PTPRJ: variants seen among roughly 807,000 people sequenced by gnomAD.
The protein encoded by PTPRJ is receptor-type tyrosine-protein phosphatase eta.
In PTPRJ, 129 loss-of-function variants were observed where a neutral mutation model predicts 141.3. The observed-to-expected ratio is 0.91, with a 90% CI of 0.79 to 1.06. The LOEUF is 1.06. Ranked by LOEUF, PTPRJ falls within the 50% of genes least tolerant of loss-of-function variation. The probability of loss-of-function intolerance (pLI) is 0.00; values close to 1 mark genes in which losing one functional copy is unlikely to be tolerated. For missense variants in PTPRJ, 1,601 were observed against 1,679.7 expected, an observed-to-expected ratio of 0.95 and a Z score of 0.82; for synonymous variants, 610 against 640.5, an observed-to-expected ratio of 0.95 and a Z score of 0.72.
chr11:48,055,069 C>T (rs1854718176), intron 1 of PTPRJ, among the ~76,000 whole-genome samples: 1 of 152,002 alleles, frequency 6.6e-6, no homozygotes, highest in Non-Finnish European at 1.5e-5. Flanking sequence ...GCTTGTAATC[C>T]CAGCTACTTG....
At position 48,127,791 on chromosome 11, in the gene PTPRJ, G is replaced by A; in HGVS notation, c.1105G>A (p.Val369Ile). ...TTGTGTTCTCACAGATGCTATTCAG[G>A]TTTTTGACGTCACCGCTGTGAACAT... ...AIEFRTNAIQ[V>I]FDVTAVNISA... The change falls in exon 7 of 25, where the codon GTT becomes ATT. Residue 369 changes from valine to isoleucine, a missense_variant. Physicochemically the swap from Val to Ile is conservative, Grantham distance 29. Coordinates refer to ENST00000418331, the MANE Select transcript of PTPRJ (RefSeq NM_002843.4). 1 of 1,614,112 alleles carries A rather than the reference G, an allele frequency of 6.2e-7. No homozygotes were observed. The highest frequency in any genetic ancestry group is 8.5e-7 in the Non-Finnish European group (1 of 1,179,974).
intron 1 of PTPRJ, among the ~76,000 whole-genome samples, chr11:48,029,651 C>A (rs1435807058): frequency 6.6e-6 from 1 of 152,134 alleles, no homozygotes; most frequent in African/African-American, 2.4e-5. Flanking sequence ...GAGCTTTTTT[C>A]TTCTTTTTTG....
intron 8 of PTPRJ, among the ~76,000 whole-genome samples, chr11:48,133,611 A>G (rs1039921897): frequency 1.3e-5 from 2 of 152,224 alleles, no homozygotes; most frequent in Admixed American, 6.5e-5. Flanking sequence ...TCCTATGTAT[A>G]TCTCCAAAAG....
chr11:48,132,755 T>TG, intron 8 of PTPRJ: 1 of 963,942 alleles, frequency 1.0e-6, no homozygotes. Flanking sequence ...ATGAAATGAG[T>TG]TACGCTTTTG....
intron 1 of PTPRJ, among the ~76,000 whole-genome samples, chr11:48,009,787 G>A (rs909568617): frequency 6.6e-6 from 1 of 152,248 alleles, no homozygotes; most frequent in Non-Finnish European, 1.5e-5. Context: ...CTTCTCAGCT[G>A]TTAAGTGGGA....
At chr11:48,090,739 T>A (rs1223100155) in intron 1 of PTPRJ, among the ~76,000 whole-genome samples, 1 of 152,192 alleles carries the variant, frequency 6.6e-6, no homozygotes, top group Non-Finnish European at 1.5e-5. Context: ...CCTTTCCCTT[T>A]CCTGAGAAGA....
intron 1 of PTPRJ, among the ~76,000 whole-genome samples, chr11:48,076,150 A>G (rs1218552645): frequency 2.6e-5 from 4 of 152,132 alleles, no homozygotes; most frequent in Admixed American, 6.6e-5. Context: ...GAGTGGGTCA[A>G]TTTATGTTCT....
chr11:48,163,403 T>G lies in PTPRJ; in HGVS notation c.3559-55T>G, dbSNP rs1857833698. 6 of 1,539,044 alleles carry G rather than the reference T, an allele frequency of 3.9e-6. No homozygotes were observed. The South Asian group carries it at 6.7e-5, about 17-fold the overall frequency. Reference sequence around the variant, plus strand: ...CTCTGCTTGATTTCCCCTGCCTTTTTGATGTTGTTAGGCAGCCTTTCTGTC... The same window carrying G: ...CTCTGCTTGATTTCCCCTGCCTTTTGGATGTTGTTAGGCAGCCTTTCTGTC... On this transcript the variant is annotated intron_variant, in intron 22 of 24. Transcript: ENST00000418331.
intron 1 of PTPRJ, among the ~76,000 whole-genome samples, chr11:48,034,317 G>A (rs1162955324): frequency 6.6e-6 from 1 of 151,740 alleles, no homozygotes; most frequent in Non-Finnish European, 1.5e-5. Context: ...TTATTTTAAA[G>A]GAAACCTTTA....
intron 1 of PTPRJ, among the ~76,000 whole-genome samples, chr11:48,104,371 G>A (rs1256506306): frequency 6.6e-6 from 1 of 152,208 alleles, no homozygotes; most frequent in East Asian, 1.9e-4. Context: ...CAGGAAGAAT[G>A]ATGGCCTTTC....
intron 1 of PTPRJ, among the ~76,000 whole-genome samples, chr11:48,010,246 C>T (rs868761863): frequency 2.6e-5 from 4 of 152,078 alleles, no homozygotes; most frequent in East Asian, 1.9e-4. Flanking sequence ...GGCGTTATCA[C>T]GGCTCACTGC....
intron 1 of PTPRJ, among the ~76,000 whole-genome samples, chr11:48,052,128 T>C (rs1187056129): frequency 1.3e-5 from 2 of 152,216 alleles, no homozygotes; most frequent in Non-Finnish European, 2.9e-5. Context: ...GAATTGCCTG[T>C]AGGTTTACCC....
chr11:47,998,673 G>T (rs1051590114), intron 1 of PTPRJ, among the ~76,000 whole-genome samples: 3 of 152,194 alleles, frequency 2.0e-5, no homozygotes, highest in Non-Finnish European at 4.4e-5. Context: ...CCCCGGCAAG[G>T]TGCCTGGCAT....
At chr11:48,068,027 A>G (rs1855131844) in intron 1 of PTPRJ, among the ~76,000 whole-genome samples, 1 of 152,208 alleles carries the variant, frequency 6.6e-6, no homozygotes, top group Admixed American at 6.5e-5. Flanking sequence ...GCAATATTAC[A>G]TTCAGAGTAC....
At position 48,139,558 on chromosome 11, in the gene PTPRJ, G is replaced by A; in HGVS notation, c.2225G>A (p.Cys742Tyr). ...CCAGCCCTGGTTCTCAAATGGACCT[G>A]CCCTCCTGGCGCCAATGCAGGCTTT... ...KEPALVLKWT[C>Y]PPGANAGFEL... The change falls in exon 11 of 25, where the codon TGC (cysteine) becomes TAC (tyrosine). Residue 742 changes from cysteine (C) to tyrosine (Y), a missense_variant. Transcript: ENST00000418331. 6.2e-7 allele frequency: 1 copy of A among 1,614,248 alleles called. No individual in the cohort carries two copies. The highest frequency in any genetic ancestry group is 8.5e-7 in the Non-Finnish European group (1 of 1,180,042).
chr11:48,052,415 A>G (rs1854595574), intron 1 of PTPRJ, among the ~76,000 whole-genome samples: 2 of 152,214 alleles, frequency 1.3e-5, no homozygotes, highest in Non-Finnish European at 2.9e-5. Context: ...TCTGGAGCCC[A>G]GGGGTGGCCT....
At chr11:47,998,376 A>C (rs914539845) in intron 1 of PTPRJ, among the ~76,000 whole-genome samples, 1 of 152,202 alleles carries the variant, frequency 6.6e-6, no homozygotes, top group East Asian at 1.9e-4. Context: ...TCCCAAGTAC[A>C]TTGATTTGAT....
chr11:47,989,172 C>A (rs186305611), intron 1 of PTPRJ, among the ~76,000 whole-genome samples: 1 of 150,604 alleles, frequency 6.6e-6, no homozygotes, highest in Admixed American at 6.6e-5. Context: ...TGTGAGCCAC[C>A]GCGCCTGGCC....
Position 48,098,607 on chromosome 11 carries a change from G to A in PTPRJ, c.97-11451G>A, listed in dbSNP as rs1251063374. Reference sequence around the variant, plus strand: ...GCGATCTCGACTCACTGCAAGCTCCGCCTCCCGGGTTCACGCCATTCTCCT... The same window carrying A: ...GCGATCTCGACTCACTGCAAGCTCCACCTCCCGGGTTCACGCCATTCTCCT... On this transcript the variant is annotated intron_variant, in intron 1 of 24. Coordinates refer to ENST00000418331, the MANE Select transcript of PTPRJ (RefSeq NM_002843.4). Among the ~76,000 whole-genome samples the A allele has an allele frequency of 6.2e-4, 10 of 16,084 alleles. 4 individuals carry two copies. The highest frequency in any genetic ancestry group is 1.0e-3 in the Non-Finnish European group (4 of 3,824). 10.6% of individuals were successfully genotyped at this position (16,084 alleles called of 152,430 possible). A position where few individuals can be genotyped will look rare whatever the true frequency, so the allele number is the denominator to read the frequency against.
Sources: allele counts gnomAD v4.1 joint callset (sites outside exome capture counted in the v4.1 genomes callset), GRCh38; gene constraint gnomAD v4.1.1; transcripts MANE v1.5; gene names NCBI Gene and HGNC (gene_info 2026-07-23, HGNC 2026-07-21).